Variants in PTPRD observed in about 807,000 individuals in gnomAD.
PTPRD encodes the protein receptor-type tyrosine-protein phosphatase delta.
PTPRD carries 34 observed loss-of-function variants against 214.5 expected under a neutral mutation model. The observed-to-expected ratio is 0.16, with a 90% CI of 0.12 to 0.21. The LOEUF is 0.21. Ranked by LOEUF, PTPRD falls within the 10% of genes least tolerant of loss-of-function variation. The pLI is 1.00. For synonymous variants in PTPRD, 1,128 were observed against 845.7 expected, an observed-to-expected ratio of 1.33 and a Z score of -5.79; for missense variants, 2,545 against 2,398.7, an observed-to-expected ratio of 1.06 and a Z score of -1.27.
At chr9:10,526,295 T>G (rs2054260473) in intron 2 of PTPRD, among the ~76,000 whole-genome samples, 1 of 152,120 alleles carries the variant, frequency 6.6e-6, no homozygotes, top group African/African-American at 2.4e-5. Context: ...AATAATTTCT[T>G]GGGCACATAT....
chr9:10,218,519 T>C (rs973328991), intron 3 of PTPRD, among the ~76,000 whole-genome samples: 30 of 151,880 alleles, frequency 2.0e-4, no homozygotes, highest in Non-Finnish European at 2.9e-5. Context: ...TCAACATAAA[T>C]GTCACGTTCT....
intron 12 of PTPRD, among the ~76,000 whole-genome samples, chr9:8,726,629 A>G (rs1427425844): frequency 1.9e-5 from 1 of 51,682 alleles, no homozygotes; most frequent in Non-Finnish European, 3.5e-5. Context: ...ATATATATAT[A>G]TATATATATA....
chr9:8,655,147 C>G (rs561204350), intron 12 of PTPRD, among the ~76,000 whole-genome samples: 1 of 152,184 alleles, frequency 6.6e-6, no homozygotes, highest in African/African-American at 2.4e-5. Flanking sequence ...AAGTGGCAAT[C>G]CAGCCTAGTT....
At chr9:10,309,729 A>G (rs1166722149) in intron 3 of PTPRD, among the ~76,000 whole-genome samples, 1 of 151,812 alleles carries the variant, frequency 6.6e-6, no homozygotes, top group Non-Finnish European at 1.5e-5. Flanking sequence ...TCCTCTCTTT[A>G]TATTTTATAA....
intron 30 of PTPRD, among the ~76,000 whole-genome samples, chr9:8,481,201 CTGAA>C (rs1263998409): frequency 2.7e-5 from 4 of 146,054 alleles, no homozygotes; most frequent in African/African-American, 1.0e-4. Flanking sequence ...TTATTTTACA[CTGAA>C]TTTATTTTGG....
intron 7 of PTPRD, among the ~76,000 whole-genome samples, chr9:9,725,296 G>A (rs927816988): frequency 7.1e-6 from 1 of 140,398 alleles, no homozygotes; most frequent in Non-Finnish European, 1.5e-5. Context: ...ATTAAAAATG[G>A]GAGTTTCCCT....
intron 11 of PTPRD, among the ~76,000 whole-genome samples, chr9:8,768,761 GA>G (rs1306860541): frequency 6.6e-6 from 1 of 151,906 alleles, no homozygotes. Flanking sequence ...TTCATTGGAA[GA>G]AAAATAAACC....
intron 4 of PTPRD, among the ~76,000 whole-genome samples, chr9:9,982,227 T>C (rs2095565739): frequency 6.6e-6 from 1 of 152,166 alleles, no homozygotes; most frequent in Admixed American, 6.5e-5. Flanking sequence ...TTGAGGCACT[T>C]AGCCAGTCGT....
At chr9:10,239,972 C>T (rs2099641962) in intron 3 of PTPRD, among the ~76,000 whole-genome samples, 1 of 151,836 alleles carries the variant, frequency 6.6e-6, no homozygotes, top group Non-Finnish European at 1.5e-5. Context: ...TCACGATTGG[C>T]CATTAAGAGA....
intron 4 of PTPRD, among the ~76,000 whole-genome samples, chr9:9,941,219 A>G (rs2091368155): frequency 6.6e-6 from 1 of 152,194 alleles, no homozygotes; most frequent in African/African-American, 2.4e-5. Context: ...CTGGCTTCCT[A>G]TATGACTATG....
At chr9:8,888,423 T>C (rs905083381) in intron 11 of PTPRD, among the ~76,000 whole-genome samples, 6 of 152,178 alleles carry the variant, frequency 3.9e-5, no homozygotes, top group South Asian at 2.1e-4. Context: ...AAGGTAGATA[T>C]GCTTTTCAGG....
intron 6 of PTPRD, among the ~76,000 whole-genome samples, chr9:9,755,925 A>G (rs966796686): frequency 2.6e-5 from 4 of 151,906 alleles, no homozygotes; most frequent in African/African-American, 7.2e-5. Flanking sequence ...TTCCATGTCA[A>G]TGATGCTTTT....
At chr9:10,025,250 G>C (rs917282100) in intron 4 of PTPRD, among the ~76,000 whole-genome samples, 15 of 152,268 alleles carry the variant, frequency 9.9e-5, no homozygotes, top group African/African-American at 3.4e-4. Context: ...CCCACCAACA[G>C]TGTAAAAGTG....
intron 2 of PTPRD, among the ~76,000 whole-genome samples, chr9:10,520,615 C>G (rs1486605967): frequency 6.6e-6 from 1 of 152,162 alleles, no homozygotes; most frequent in Non-Finnish European, 1.5e-5. Flanking sequence ...CTTAGACCTT[C>G]ATAGCTAGAG....
chr9:9,423,837 C>T (rs568310875), intron 8 of PTPRD, among the ~76,000 whole-genome samples: 1 of 152,138 alleles, frequency 6.6e-6, no homozygotes, highest in African/African-American at 2.4e-5. Context: ...AGTTGATATA[C>T]AGAGAAGAAA....
chr9:8,474,941 T>C (rs1003993243), intron 30 of PTPRD, among the ~76,000 whole-genome samples: 1 of 152,156 alleles, frequency 6.6e-6, no homozygotes, highest in African/African-American at 2.4e-5. Context: ...GTACTCCTTC[T>C]CTCTCATATA....
At chr9:9,438,932 T>A (rs1229593772) in intron 8 of PTPRD, among the ~76,000 whole-genome samples, 3 of 152,150 alleles carry the variant, frequency 2.0e-5, no homozygotes, top group African/African-American at 7.2e-5. Context: ...AGCATTTAAA[T>A]TCAACTTTAT....
chr9:10,350,062 T>C (rs1477303180), intron 2 of PTPRD, among the ~76,000 whole-genome samples: 1 of 152,210 alleles, frequency 6.6e-6, no homozygotes, highest in African/African-American at 2.4e-5. Context: ...GTTCACAGAC[T>C]AGAAAAGTCT....
chr9:8,991,564 G>A (rs1474372468), intron 11 of PTPRD, among the ~76,000 whole-genome samples: 1 of 152,078 alleles, frequency 6.6e-6, no homozygotes, highest in Admixed American at 6.6e-5. Flanking sequence ...TAGTTCATTT[G>A]TGTGGGAGTA....
Sources: allele counts gnomAD v4.1 joint callset (sites outside exome capture counted in the v4.1 genomes callset), GRCh38; gene constraint gnomAD v4.1.1; transcripts MANE v1.5; gene names NCBI Gene and HGNC (gene_info 2026-07-23, HGNC 2026-07-21).